NFASC: variants seen among roughly 807,000 people sequenced by gnomAD.
The protein encoded by NFASC is neurofascin homolog.
Under a neutral mutation model 147.5 loss-of-function variants are expected in NFASC, and 43 were observed. That is an observed-to-expected ratio of 0.29 (90% CI 0.23 to 0.38). The LOEUF (loss-of-function observed/expected upper bound fraction) is 0.38. Ranked by LOEUF, NFASC falls within the 10% of genes least tolerant of loss-of-function variation. The probability of loss-of-function intolerance (pLI) is 1.00; values close to 1 mark genes in which losing one functional copy is unlikely to be tolerated. For synonymous variants in NFASC, 622 were observed against 665.5 expected (o/e 0.93, Z 1.01); for missense variants, 1,320 against 1,689.0 (o/e 0.78, Z 3.83).
rs138026873 is a variant in NFASC at position 204,925,500 on chromosome 1, T to C, written c.-91+4760T>C. Among the ~76,000 whole-genome samples the C allele has an allele frequency of 1.2e-4, 18 of 152,346 alleles. No homozygotes were observed. In the East Asian group the frequency reaches 3.5e-3, roughly 29 times the overall value. On this transcript the variant is annotated intron_variant, in intron 2 of 29. Coordinates refer to ENST00000339876, the MANE Select transcript of NFASC (RefSeq NM_001005388.3). ...GGCTTCCCAGCTAGTGGTTTGTCATTCACCAGTTTATTAAGCCCAGCCCTG... is the reference window on the plus strand; with the variant it reads ...GGCTTCCCAGCTAGTGGTTTGTCATCCACCAGTTTATTAAGCCCAGCCCTG...
chr1:204,966,075 G>A (rs1363501745), intron 8 of NFASC, among the ~76,000 whole-genome samples: 31 of 152,134 alleles, frequency 2.0e-4, no homozygotes, highest in Admixed American at 2.0e-3. Flanking sequence ...CAACTTTTAG[G>A]ATGCTCTTCT....
At chr1:204,884,011 A>G (rs1001960989) in intron 1 of NFASC, among the ~76,000 whole-genome samples, 1 of 152,190 alleles carries the variant, frequency 6.6e-6, no homozygotes, top group African/African-American at 2.4e-5. Context: ...GTGCCTCGAC[A>G]TCTTGGTTTT....
chr1:204,957,943 A>C, intron 8 of NFASC, 117 bp downstream of exon 8: 1 of 921,968 alleles, frequency 1.1e-6, no homozygotes, highest in Non-Finnish European at 1.7e-6. Flanking sequence ...TGACCTAGAA[A>C]TCCTTCCAGC....
intron 2 of NFASC, among the ~76,000 whole-genome samples, chr1:204,932,227 T>TA (rs2092424535): frequency 6.6e-6 from 1 of 152,218 alleles, no homozygotes; most frequent in South Asian, 2.1e-4. Flanking sequence ...TAAGAAAAAG[T>TA]AAAAACAGCT....
intron 24 of NFASC, chr1:204,993,851 GC>G: frequency 2.0e-6 from 1 of 497,168 alleles, no homozygotes; most frequent in Admixed American, 2.1e-5. Context: ...CTCCACCTCA[GC>G]CCCAGGGGAT....
At chr1:204,978,434 C>G (rs1214454754) in intron 17 of NFASC, among the ~76,000 whole-genome samples, 1 of 152,218 alleles carries the variant, frequency 6.6e-6, no homozygotes, top group Non-Finnish European at 1.5e-5. Context: ...TCCATCTCCT[C>G]CCTGGTCTGA....
At chr1:204,833,177 C>T (rs765838346) in intron 1 of NFASC, among the ~76,000 whole-genome samples, 6 of 152,206 alleles carry the variant, frequency 3.9e-5, no homozygotes, top group Non-Finnish European at 7.3e-5. Flanking sequence ...ATAAAAGTGG[C>T]GTAATAACAA....
rs563066924 is a variant in NFASC, at chr1:205,015,466, C to T, written c.3492-842C>T. On this transcript the variant is annotated intron_variant, in intron 29 of 29. Coordinates refer to ENST00000339876, the MANE Select transcript of NFASC (RefSeq NM_001005388.3). The surrounding 1 kb of genome is among the most constrained non-coding windows in gnomAD (Gnocchi z 4.0). The stretch of plus-strand genomic sequence containing the variant: ...GACGCTGGCTCAGAGAGCAGCCCCG[C>T]GCCTCCTCAGGAGCACAGCAGACAT... Among the ~76,000 whole-genome samples, 21 of 152,296 alleles carry T rather than the reference C, an allele frequency of 1.4e-4. No individual in the cohort carries two copies. The South Asian group carries it at 2.1e-3, about 15-fold the overall frequency.
chr1:204,875,571 A>C (rs2078612728), intron 1 of NFASC, among the ~76,000 whole-genome samples: 1 of 152,180 alleles, frequency 6.6e-6, no homozygotes, highest in South Asian at 2.1e-4. Context: ...AAGTGATTGC[A>C]GATTGTCGGG....
chr1:204,855,155 C>T (rs2076044102), intron 1 of NFASC, among the ~76,000 whole-genome samples: 1 of 152,228 alleles, frequency 6.6e-6, no homozygotes, highest in African/African-American at 2.4e-5. Context: ...GCTCTTCGCA[C>T]TATCAGAGCT....
intron 2 of NFASC, among the ~76,000 whole-genome samples, chr1:204,942,881 G>A (rs2093456109): frequency 6.6e-6 from 1 of 152,190 alleles, no homozygotes; most frequent in Admixed American, 6.5e-5. Flanking sequence ...TGGCACAAGG[G>A]AAGTCCCTTG....
chr1:204,846,096 C>T (rs1044000420), intron 1 of NFASC, among the ~76,000 whole-genome samples: 3 of 150,474 alleles, frequency 2.0e-5, no homozygotes, highest in Non-Finnish European at 3.0e-5. Context: ...GTGGCTCACA[C>T]CTGTAATCCC....
chr1:204,855,961 A>C (rs1027378617), intron 1 of NFASC, among the ~76,000 whole-genome samples: 5 of 152,106 alleles, frequency 3.3e-5, no homozygotes, highest in Non-Finnish European at 7.3e-5. Context: ...TGTTTCATTA[A>C]CTCTTACAAT....
chr1:204,861,908 A>G (rs1015505598), intron 1 of NFASC, among the ~76,000 whole-genome samples: 5 of 152,330 alleles, frequency 3.3e-5, no homozygotes, highest in Middle Eastern at 3.4e-3. Context: ...TCTGGTTCTT[A>G]GCCTCTGGTC....
At chr1:204,949,909 T>C (rs1328783070) in intron 3 of NFASC, among the ~76,000 whole-genome samples, 1 of 152,250 alleles carries the variant, frequency 6.6e-6, no homozygotes, top group African/African-American at 2.4e-5. Flanking sequence ...AGAAAGGAGC[T>C]GTAGCCTCTG....
rs1460388466 is a variant in NFASC, at chr1:204,975,149, T to A, written c.1559-122T>A. 9.3e-7 allele frequency: 1 copy of A among 1,073,728 alleles called. No homozygotes were observed. Among genetic ancestry groups the A allele is most frequent in the Non-Finnish European group, 1.3e-6 (1 of 745,050 alleles). 66.5% of individuals were successfully genotyped at this position (1,073,728 alleles called of 1,614,324 possible). A position where few individuals can be genotyped will look rare whatever the true frequency, so the allele number is the denominator to read the frequency against. ...CTGCTCCGTTCATACCATAGCATAC[T>A]GTTTGTGCCCCACTCCATAGTTGGC... On this transcript the variant is annotated intron_variant, in intron 14 of 29. Transcript: ENST00000339876. This position sits in a 1 kb window ranked among gnomAD's most constrained non-coding sequence, Gnocchi z 4.0.
intron 1 of NFASC, 21 bp from the exon 2 acceptor site, chr1:204,920,611 C>T (rs1039309406): frequency 8.1e-7 from 1 of 1,235,768 alleles, no homozygotes; most frequent in Non-Finnish European, 1.1e-6. Context: ...TGGGGTTCTC[C>T]TTTGTGCTTG....
intron 12 of NFASC, 144 bp downstream of exon 12, chr1:204,973,563 CAT>C: frequency 9.5e-7 from 1 of 1,052,954 alleles, no homozygotes; most frequent in Non-Finnish European, 1.3e-6. Flanking sequence ...ATAGGGGAAA[CAT>C]GGAGATGGGA....
Position 204,878,353 on chromosome 1 carries a change from T to G in NFASC, c.-199-42279T>G, listed in dbSNP as rs943015045. On this transcript the variant is annotated intron_variant, in intron 1 of 29. Coordinates refer to ENST00000339876, the MANE Select transcript of NFASC (RefSeq NM_001005388.3). ...TCTACACCAACTAAATATTAGTAAA[T>G]GCAGTTTTCGCCGTTAAAAAAACAT... Among the ~76,000 whole-genome samples the G allele has an allele frequency of 2.0e-5, 3 of 152,198 alleles. No homozygotes were observed. The East Asian group carries it at 5.8e-4, about 29-fold the overall frequency.
Sources: allele counts gnomAD v4.1 joint callset (sites outside exome capture counted in the v4.1 genomes callset), GRCh38; gene constraint gnomAD v4.1.1; non-coding constraint Gnocchi (gnomAD v3.1); transcripts MANE v1.5; gene names NCBI Gene and HGNC (gene_info 2026-07-23, HGNC 2026-07-21).